ADTRP: variants seen among roughly 807,000 people sequenced by gnomAD.
The protein encoded by ADTRP is androgen dependent TFPI regulating protein, also known as androgen-dependent TFPI-regulating protein.
In ADTRP, 20 loss-of-function variants were observed where a neutral mutation model predicts 27.0. The observed-to-expected ratio is 0.74, with a 90% confidence interval of 0.52 to 1.08. The LOEUF (loss-of-function observed/expected upper bound fraction) is 1.08, where lower values mean the gene tolerates loss of function less well. Among genes scored for constraint, ADTRP ranks in the 50% least tolerant of loss-of-function variants. The pLI is 0.00. For synonymous variants in ADTRP, 101 were observed against 105.2 expected, an observed-to-expected ratio of 0.96 and a Z score of 0.25; for missense variants, 251 against 275.0, an observed-to-expected ratio of 0.91 and a Z score of 0.62.
Position 11,746,189 on chromosome 6 carries a change from A to G in ADTRP, c.391-10506T>C, listed in dbSNP as rs1395422134. Among the ~76,000 whole-genome samples, 4 of 152,194 alleles carry G rather than the reference A, an allele frequency of 2.6e-5. No homozygotes were observed. The East Asian group carries it at 7.7e-4, about 29-fold the overall frequency. ...AGCTAAAGATGTCCAGTAGCATAGT[A>G]AATTTATGAGTTTGACACTCAGAGG... On this transcript the variant is annotated intron_variant, in intron 3 of 5. Transcript: ENST00000414691.
intron 3 of ADTRP, among the ~76,000 whole-genome samples, chr6:11,738,061 T>TA (rs1762602321): frequency 6.6e-6 from 1 of 152,184 alleles, no homozygotes; most frequent in Non-Finnish European, 1.5e-5. Context: ...GTGATGCTGC[T>TA]ATGGGGATTG....
chr6:11,775,141 G>A (rs565725320), intron 1 of ADTRP, among the ~76,000 whole-genome samples: 1 of 152,266 alleles, frequency 6.6e-6, no homozygotes, highest in South Asian at 2.1e-4. Context: ...TAGCCATGAA[G>A]GGGAAGGGGG....
intron 4 of ADTRP, among the ~76,000 whole-genome samples, chr6:11,732,389 T>C (rs1014397226): frequency 3.3e-5 from 5 of 152,206 alleles, no homozygotes; most frequent in African/African-American, 1.2e-4. Flanking sequence ...CTGGCACATC[T>C]GACAGTGGGC....
chr6:11,773,516 T>C (rs1036925679), intron 1 of ADTRP, among the ~76,000 whole-genome samples: 11 of 152,228 alleles, frequency 7.2e-5, no homozygotes, highest in African/African-American at 1.9e-4. Flanking sequence ...GCACCCCATA[T>C]TGGATGCCAG....
At chr6:11,723,018 T>G (rs1313785060) in intron 5 of ADTRP, among the ~76,000 whole-genome samples, 1 of 152,216 alleles carries the variant, frequency 6.6e-6, no homozygotes, top group Non-Finnish European at 1.5e-5. Flanking sequence ...AGACCCCTGA[T>G]TTTATTTATT....
At chr6:11,745,059 G>A (rs1448550101) in intron 3 of ADTRP, among the ~76,000 whole-genome samples, 1 of 152,164 alleles carries the variant, frequency 6.6e-6, no homozygotes, top group Non-Finnish European at 1.5e-5. Context: ...TCTCTCCCTT[G>A]CTGACCTATG....
rs367932994 is a variant in ADTRP, at chr6:11,766,335, C to T, written c.329G>A (p.Arg110Gln). ...TAGGACCTTGGGGTAAATGAGATCTCGATTGTAGAGAAAGAGGATCCAGAA... is the reference window on the plus strand; with the variant it reads ...TAGGACCTTGGGGTAAATGAGATCTTGATTGTAGAGAAAGAGGATCCAGAA... ...LAFWILFLYN[R>Q]DLIYPKVLDT... The change falls in exon 3 of 6, where the codon CGA becomes CAA. Residue 110 changes from arginine (R) to glutamine (Q), a missense_variant. By Grantham distance (43) the Arg-to-Gln change is conservative. Coordinates refer to ENST00000414691, the MANE Select transcript of ADTRP (RefSeq NM_032744.4). 53 of 1,612,050 alleles carry T rather than the reference C, an allele frequency of 3.3e-5. No homozygotes were observed. Among genetic ancestry groups the T allele is most frequent in the Admixed American group, 6.7e-5 (4 of 59,812 alleles).
chr6:11,743,294 C>T (rs1477151510), intron 3 of ADTRP, among the ~76,000 whole-genome samples: 2 of 152,200 alleles, frequency 1.3e-5, no homozygotes, highest in African/African-American at 4.8e-5. Context: ...CTCCTTAACA[C>T]ACATTTTGAC....
In ADTRP at chr6:11,723,414, G is replaced by C. The variant is rs1337775229; in HGVS notation, c.593C>G (p.Ser198Cys). 1.2e-6 allele frequency: 2 copies of C among 1,614,154 alleles called. No individual in the cohort carries two copies. The highest frequency in any genetic ancestry group is 1.7e-6 in the Non-Finnish European group (2 of 1,180,016). Residue 198 changes from serine to cysteine, a missense_variant, in exon 5 of 6, where the codon TCT becomes TGT. Ser to Cys is a moderately radical substitution (Grantham distance 112). Transcript: ENST00000414691. ...GCTGGCGATGAAGACGTAGCTGAGA[G>C]AGAAGAAAGCTGCTAGACCCAAGAG... The part of the protein sequence containing the change: ...LSLLGLAAFF[S>C]LSYVFIASIY...
At chr6:11,776,103 A>G (rs1360574604) in intron 1 of ADTRP, among the ~76,000 whole-genome samples, 1 of 152,234 alleles carries the variant, frequency 6.6e-6, no homozygotes, top group Non-Finnish European at 1.5e-5. Context: ...CTTAAGCAAC[A>G]TATTCGAAAT....
chr6:11,734,628 C>G (rs749704544), intron 4 of ADTRP, among the ~76,000 whole-genome samples: 12 of 152,034 alleles, frequency 7.9e-5, no homozygotes, highest in Non-Finnish European at 1.5e-4. Flanking sequence ...GTCTGGGCAC[C>G]AAGTTTATTT....
intron 3 of ADTRP, among the ~76,000 whole-genome samples, chr6:11,741,244 C>A (rs1762706170): frequency 6.6e-6 from 1 of 152,118 alleles, no homozygotes; most frequent in African/African-American, 2.4e-5. Flanking sequence ...TGAAATGCAC[C>A]AAAAACAAGA....
chr6:11,734,646 G>A (rs2113899768), intron 4 of ADTRP, among the ~76,000 whole-genome samples: 2 of 152,254 alleles, frequency 1.3e-5, no homozygotes, highest in East Asian at 3.9e-4. Context: ...TTTGCTCTAA[G>A]ACAGAGGCTG....
intron 3 of ADTRP, among the ~76,000 whole-genome samples, chr6:11,739,414 G>A (rs759492812): frequency 3.3e-4 from 50 of 152,144 alleles, no homozygotes; most frequent in Non-Finnish European, 6.3e-4. Context: ...ATAAAGAGAT[G>A]TTCTTCTCCC....
intron 3 of ADTRP, among the ~76,000 whole-genome samples, chr6:11,762,366 C>T (rs954185516): frequency 6.6e-6 from 1 of 152,202 alleles, no homozygotes; most frequent in Non-Finnish European, 1.5e-5. Flanking sequence ...CGTGTGTGTA[C>T]ATTAGACTCA....
intron 4 of ADTRP, among the ~76,000 whole-genome samples, chr6:11,731,521 A>G: frequency 6.6e-6 from 1 of 152,110 alleles, no homozygotes; most frequent in East Asian, 1.9e-4. Context: ...TTCCAGGGAT[A>G]TTTCTCATTA....
chr6:11,728,859 A>G (rs989057499), intron 4 of ADTRP, among the ~76,000 whole-genome samples: 3 of 152,116 alleles, frequency 2.0e-5, no homozygotes, highest in African/African-American at 7.2e-5. Context: ...GAAATTTGGA[A>G]ATGTACCCAG....
At chr6:11,747,696 A>T (rs1561759080) in intron 3 of ADTRP, among the ~76,000 whole-genome samples, 1 of 152,232 alleles carries the variant, frequency 6.6e-6, no homozygotes, top group Non-Finnish European at 1.5e-5. Context: ...CATCAACAGG[A>T]ACCCCTGGTT....
chr6:11,760,276 T>C (rs1763355568), intron 3 of ADTRP, among the ~76,000 whole-genome samples: 1 of 152,166 alleles, frequency 6.6e-6, no homozygotes, highest in Non-Finnish European at 1.5e-5. Flanking sequence ...AAAACTGCCC[T>C]TGAACAGGTC....
Sources: allele counts gnomAD v4.1 joint callset (sites outside exome capture counted in the v4.1 genomes callset), GRCh38; gene constraint gnomAD v4.1.1; transcripts MANE v1.5; gene names NCBI Gene and HGNC (gene_info 2026-07-23, HGNC 2026-07-21).